Variants in DOCK9 observed in about 807,000 individuals in gnomAD.
DOCK9 encodes the protein dedicator of cytokinesis protein 9.
A neutral mutation model predicts 263.3 loss-of-function variants in DOCK9; 89 were observed. The observed-to-expected ratio is 0.34, with a 90% CI of 0.28 to 0.40. The LOEUF (loss-of-function observed/expected upper bound fraction) is 0.40, where lower values mean the gene tolerates loss of function less well. Among genes scored for constraint, DOCK9 ranks in the 10% least tolerant of loss-of-function variants. The pLI, the probability that DOCK9 is intolerant of heterozygous loss-of-function variation, is 1.00. For missense variants in DOCK9, 2,140 were observed against 2,603.4 expected, an observed-to-expected ratio of 0.82 and a Z score of 3.87; for synonymous variants, 976 against 973.1, an observed-to-expected ratio of 1.00 and a Z score of -0.06.
intron 1 of DOCK9, among the ~76,000 whole-genome samples, chr13:98,968,594 T>G (rs1421752368): frequency 6.6e-6 from 1 of 152,228 alleles, no homozygotes; most frequent in African/African-American, 2.4e-5. Context: ...CACTGCAGCC[T>G]GGGTGACAGA....
At chr13:98,898,282 G>A (rs1341105321) in intron 13 of DOCK9, 21 bp from the exon 14 acceptor site, 1 of 1,590,404 alleles carries the variant, frequency 6.3e-7, no homozygotes, top group Non-Finnish European at 8.6e-7. Flanking sequence ...TGAGAATAAA[G>A]CTATGAGATA....
upstream of DOCK9, among the ~76,000 whole-genome samples, chr13:98,979,571 C>T (rs867560756): frequency 2.6e-5 from 4 of 152,084 alleles, no homozygotes; most frequent in South Asian, 6.2e-4. Flanking sequence ...AATTATGTAA[C>T]GATCTCAAAG....
rs1224806630 is a variant in DOCK9 at position 98,853,394 on chromosome 13, A to AT, written c.3946+13dup. The AT allele has an allele frequency of 9.0e-6, 14 of 1,564,084 alleles. No homozygotes were observed. The highest frequency in any genetic ancestry group is 1.0e-5 in the Non-Finnish European group (12 of 1,145,702). On this transcript the variant is annotated intron_variant, in intron 35 of 52. Coordinates refer to ENST00000682017, the MANE Select transcript of DOCK9 (RefSeq NM_001366683.2). The stretch of plus-strand genomic sequence containing the variant: ...TGAAACGAGCAAAACAGAAATCTCC[A>AT]TTTTTTAACCTACCATCAGACATGC...
chr13:99,007,626 C>T (rs186887229), intron 1 of DOCK9, among the ~76,000 whole-genome samples: 2 of 152,200 alleles, frequency 1.3e-5, no homozygotes, highest in Non-Finnish European at 2.9e-5. Flanking sequence ...CACATTCCAG[C>T]CCCCACAATG....
intron 27 of DOCK9, among the ~76,000 whole-genome samples, chr13:98,871,186 G>A (rs1181050009): frequency 6.6e-6 from 1 of 152,208 alleles, no homozygotes; most frequent in African/African-American, 2.4e-5. Context: ...GTCTAAGATG[G>A]AGTGAGAAAA....
intron 1 of DOCK9, among the ~76,000 whole-genome samples, chr13:99,006,641 T>C (rs993164111): frequency 3.3e-5 from 5 of 152,158 alleles, no homozygotes; most frequent in Admixed American, 1.3e-4. Context: ...CAGAGAAAAA[T>C]ATCAGAAAAC....
chr13:98,994,472 A>T (rs1215445517), intron 1 of DOCK9, among the ~76,000 whole-genome samples: 1 of 152,210 alleles, frequency 6.6e-6, no homozygotes, highest in African/African-American at 2.4e-5. Context: ...TCCAGCCCAA[A>T]ATGTCAACAG....
intron 2 of DOCK9, among the ~76,000 whole-genome samples, chr13:98,947,635 A>G (rs1012051160): frequency 6.6e-6 from 1 of 150,912 alleles, no homozygotes; most frequent in Non-Finnish European, 1.5e-5. Context: ...CCTCCCAAGT[A>G]GCTGGGATTA....
chr13:99,045,332 C>A (rs957896171), intron 1 of DOCK9, among the ~76,000 whole-genome samples: 1 of 152,028 alleles, frequency 6.6e-6, no homozygotes, highest in Admixed American at 6.5e-5. Context: ...ATCATTCAGG[C>A]GCAAAAGAGA....
chr13:98,814,091 T>C (rs2091579592), intron 45 of DOCK9, among the ~76,000 whole-genome samples: 1 of 152,248 alleles, frequency 6.6e-6, no homozygotes, highest in African/African-American at 2.4e-5. Flanking sequence ...AGATTACAGA[T>C]TCAAAGTAAA....
At chr13:98,940,096 C>G (rs2055568068) in intron 2 of DOCK9, among the ~76,000 whole-genome samples, 1 of 152,180 alleles carries the variant, frequency 6.6e-6, no homozygotes, top group Non-Finnish European at 1.5e-5. Context: ...ATATGACTTG[C>G]TTTTTGAGAG....
At chr13:98,858,953 C>T (rs1425658573) in intron 33 of DOCK9, 1 of 152,228 alleles carries the variant, frequency 6.6e-6, no homozygotes, top group Non-Finnish European at 1.5e-5. Context: ...ACTCATCTGA[C>T]TCCTCTCTGC....
chr13:98,928,695 T>G (rs898005643), intron 3 of DOCK9, among the ~76,000 whole-genome samples: 1 of 152,258 alleles, frequency 6.6e-6, no homozygotes, highest in African/African-American at 2.4e-5. Flanking sequence ...ATGGTGACAG[T>G]AGCCATAGGC....
chr13:98,930,276 G>A lies in DOCK9; in HGVS notation c.244-19C>T. The A allele has an allele frequency of 6.3e-7, 1 of 1,597,460 alleles. No homozygotes were observed. The highest frequency in any genetic ancestry group is 8.5e-7 in the Non-Finnish European group (1 of 1,171,088). On this transcript the variant is annotated intron_variant, in intron 2 of 52. Transcript: ENST00000682017. ...TGGCCGTCTGGAAACAAAAACAGGAGGAAAAGCCTTGGGTAAGTGAAGGAG... is the reference window on the plus strand; with the variant it reads ...TGGCCGTCTGGAAACAAAAACAGGAAGAAAAGCCTTGGGTAAGTGAAGGAG...
rs1888110933 is a variant in DOCK9, at chr13:99,038,288, C to CCGCTTTTTTTTTTT, written c.129+47934_129+47935insAAAAAAAAAAAGCG. The stretch of plus-strand genomic sequence containing the variant: ...GCTGAAAAACTGGCTTTATGCCCCC[C>CCGCTTTTTTTTTTT]TTTTTTTTTTTTTTTTTTTTTTTTT... On this transcript the variant is annotated intron_variant, in intron 1 of 32. Transcript: ENST00000427887. Among the ~76,000 whole-genome samples the CCGCTTTTTTTTTTT allele has an allele frequency of 3.5e-5, 3 of 86,264 alleles. 1 individual carries two copies. Among genetic ancestry groups the CCGCTTTTTTTTTTT allele is most frequent in the Admixed American group, 1.5e-4 (1 of 6,646 alleles). The allele number at this position is 86,264 out of a possible 152,430, so 56.6% of individuals were successfully genotyped here.
chr13:98,888,083 C>T (rs887341423), intron 18 of DOCK9, 75 bp downstream of exon 18: 38 of 953,754 alleles, frequency 4.0e-5, no homozygotes, highest in East Asian at 5.2e-5. Context: ...TGTAGTTGTA[C>T]GGTATCATGA....
chr13:98,955,657 A>G (rs8002389), intron 1 of DOCK9, 106 bp from the exon 2 acceptor site: 292,164 of 744,450 alleles, frequency 0.39, 58,063 homozygotes, highest in African/African-American at 0.48. Flanking sequence ...CTACAATTAG[A>G]GTATGCTAGT....
intron 15 of DOCK9, among the ~76,000 whole-genome samples, chr13:98,897,000 A>G (rs910966704): frequency 2.6e-5 from 4 of 152,324 alleles, no homozygotes; most frequent in East Asian, 1.9e-4. Flanking sequence ...GTGAGGCCAG[A>G]GGCAGAGTGG....
At chr13:98,907,367 T>C (rs1310255009) in intron 9 of DOCK9, among the ~76,000 whole-genome samples, 1 of 152,210 alleles carries the variant, frequency 6.6e-6, no homozygotes, top group Non-Finnish European at 1.5e-5. Flanking sequence ...CAATTCCTAG[T>C]GGCTTTCTGA....
Sources: gnomAD v4.1 joint callset for allele counts (sites outside exome capture counted in the v4.1 genomes callset) on GRCh38, gnomAD v4.1.1 for gene constraint, MANE v1.5 for transcripts, NCBI Gene and HGNC (gene_info 2026-07-23, HGNC 2026-07-21) for gene names.